Variants in PRAG1 observed in about 807,000 individuals in gnomAD.
PRAG1 encodes PEAK1 related, kinase-activating pseudokinase 1, also known as inactive tyrosine-protein kinase PRAG1.
Under a neutral mutation model 95.6 loss-of-function variants are expected in PRAG1, and 110 were observed. The observed-to-expected ratio is 1.15, with a 90% CI of 0.99 to 1.35. PRAG1 has a LOEUF of 1.35. PRAG1 is among the 40% of genes most tolerant of loss of function. The pLI is 0.00. For synonymous variants in PRAG1, 1,052 were observed against 819.4 expected (o/e 1.28, Z -4.85); for missense variants, 2,554 against 1,864.7 (o/e 1.37, Z -6.81).
intron 2 of PRAG1, among the ~76,000 whole-genome samples, chr8:8,381,041 A>G (rs766758631): frequency 3.9e-5 from 6 of 152,094 alleles, no homozygotes; most frequent in Non-Finnish European, 8.8e-5. Context: ...ATGGTTGCTG[A>G]AGTTCATATT....
intron 3 of PRAG1, among the ~76,000 whole-genome samples, chr8:8,366,153 G>A (rs1799997491): frequency 6.6e-6 from 1 of 152,044 alleles, no homozygotes; most frequent in Non-Finnish European, 1.5e-5. Context: ...TCCACAAATG[G>A]TTAAAATTCA....
At chr8:8,325,317 T>C (rs1176791745) in intron 5 of PRAG1, among the ~76,000 whole-genome samples, 1 of 152,188 alleles carries the variant, frequency 6.6e-6, no homozygotes, top group Non-Finnish European at 1.5e-5. Context: ...CCTCTGCATA[T>C]TGGATGCTAG....
intron 4 of PRAG1, among the ~76,000 whole-genome samples, chr8:8,337,865 C>A (rs887592629): frequency 7.2e-5 from 11 of 152,138 alleles, no homozygotes; most frequent in Admixed American, 5.2e-4. Flanking sequence ...GAGCCGTGTA[C>A]AATTCAGCCC....
rs752453783 is a variant in PRAG1 at position 8,327,962 on chromosome 8, A to C, written c.2820T>G (p.Gly940=). Residue 940 remains glycine (G), a synonymous_variant, in exon 5 of 6, where the codon GGT becomes GGG. Coordinates refer to ENST00000615670, the MANE Select transcript of PRAG1 (RefSeq NM_001080826.3). ...STGSTQLQLH[G]LLSNISSKEG... is the part of the protein sequence containing the mutation. ...CCTTGCTGCTGATGTTGCTCAGGAGACCGTGCAGCTGAAGCTGGGTGCTCC... is the reference window on the plus strand; with the variant it reads ...CCTTGCTGCTGATGTTGCTCAGGAGCCCGTGCAGCTGAAGCTGGGTGCTCC... The C allele has an allele frequency of 4.4e-6, 7 of 1,608,358 alleles. No homozygotes were observed. In the South Asian group the frequency reaches 7.7e-5, roughly 18 times the overall value.
chr8:8,346,971 G>C (rs753888017), intron 3 of PRAG1, among the ~76,000 whole-genome samples: 1 of 152,174 alleles, frequency 6.6e-6, no homozygotes, highest in Non-Finnish European at 1.5e-5. Context: ...AAATACACTA[G>C]TAAGTTTAGT....
At chr8:8,379,245 C>G (rs1425914832) in intron 2 of PRAG1, among the ~76,000 whole-genome samples, 1 of 152,198 alleles carries the variant, frequency 6.6e-6, no homozygotes, top group Admixed American at 6.5e-5. Context: ...CAGCAGTGAC[C>G]TCAGCCTGAG....
rs762903604 is a variant in PRAG1, at chr8:8,377,968, G to GGTCT, written c.440_441insAGAC (p.Ser148AspfsTer4). ...GACAGCGAGAATTGCCATCAGGGGA[G>GGTCT]GTAGAGGGACCAGCAGGCTTCTGTA... is the stretch of plus-strand genomic sequence containing the variant. On this transcript the variant is annotated frameshift_variant, in exon 3 of 6. Transcript: ENST00000615670. LOFTEE classifies it high-confidence loss of function. 6.2e-6 allele frequency: 10 copies of GGTCT among 1,613,722 alleles called. No homozygotes were observed. Among genetic ancestry groups the GGTCT allele is most frequent in the Non-Finnish European group, 8.5e-6 (10 of 1,179,916 alleles).
At chr8:8,342,195 AT>A (rs1407544785) in intron 3 of PRAG1, among the ~76,000 whole-genome samples, 418 of 139,474 alleles carry the variant, frequency 3.0e-3, no homozygotes, top group Middle Eastern at 3.8e-3. Context: ...ATCTCATGTA[AT>A]TTTTTTTTTT....
chr8:8,339,341 G>C, intron 4 of PRAG1, 137 bp downstream of exon 4: 1 of 902,562 alleles, frequency 1.1e-6, no homozygotes. Context: ...ACAGCTCCCT[G>C]GAAGAGTCTA....
In PRAG1 at chr8:8,377,268, C is replaced by T; in HGVS notation, c.1141G>A (p.Gly381Ser). The change falls in exon 3 of 6, where the codon GGC becomes AGC. Residue 381 changes from glycine to serine, a missense_variant. Gly to Ser is a moderately conservative substitution (Grantham distance 56, BLOSUM62 0). Coordinates refer to ENST00000615670, the MANE Select transcript of PRAG1 (RefSeq NM_001080826.3). ...CTGCTAGGGGTCACCCCTGGGCAGC[C>T]AGGGTCCTGCTGCTTCTCTGGGGCA... ...EPAPEKQQDPGCPGVTPSRCL... is the reference protein window; with the variant it reads ...EPAPEKQQDPSCPGVTPSRCL... 6.2e-7 allele frequency: 1 copy of T among 1,612,906 alleles called. No individual in the cohort carries two copies. Among genetic ancestry groups the T allele is most frequent in the Non-Finnish European group, 8.5e-7 (1 of 1,179,964 alleles).
rs139257739 is a variant in PRAG1 at position 8,321,187 on chromosome 8, C to T, written c.3073-1885G>A. Among the ~76,000 whole-genome samples, 7 of 152,284 alleles carry T rather than the reference C, an allele frequency of 4.6e-5. No individual in the cohort carries two copies. The East Asian group carries it at 9.7e-4, about 21-fold the overall frequency. On this transcript the variant is annotated intron_variant, in intron 5 of 5. Coordinates refer to ENST00000615670, the MANE Select transcript of PRAG1 (RefSeq NM_001080826.3). ...GCGGTTTTGACCTCCCAGGTTTAAG[C>T]GATCCTCCCACCTCAGCCTCCCGAG...
At chr8:8,331,356 G>C (rs1461745555) in intron 4 of PRAG1, among the ~76,000 whole-genome samples, 2 of 152,120 alleles carry the variant, frequency 1.3e-5, no homozygotes, top group Non-Finnish European at 1.5e-5. Flanking sequence ...GGTGAGCAGT[G>C]GAGTGAACAC....
Position 8,323,135 on chromosome 8 carries a change from C to A in PRAG1, c.3073-3833G>T, listed in dbSNP as rs186681071. On this transcript the variant is annotated intron_variant, in intron 5 of 5. Coordinates refer to ENST00000615670, the MANE Select transcript of PRAG1 (RefSeq NM_001080826.3). ...GCTGAAACAAGATGGGAGACTGTCG[C>A]CTCATTCCCCTTCAGCTGGAAACAT... 3.3e-3 allele frequency among the ~76,000 whole-genome samples: 498 copies of A among 152,294 alleles called. 4 individuals carry two copies. Among genetic ancestry groups the A allele is most frequent in the African/African-American group, 0.011 (470 of 41,562 alleles).
intron 3 of PRAG1, among the ~76,000 whole-genome samples, chr8:8,341,485 C>T (rs185291917): frequency 6.6e-5 from 10 of 152,292 alleles, no homozygotes; most frequent in African/African-American, 1.9e-4. Flanking sequence ...TTTCAGTAGA[C>T]GCACTTTATC....
chr8:8,372,663 G>C (rs1408380128), intron 3 of PRAG1, among the ~76,000 whole-genome samples: 1 of 152,202 alleles, frequency 6.6e-6, no homozygotes, highest in East Asian at 1.9e-4. Flanking sequence ...GGGCACTCCA[G>C]CAAGAGGTTT....
At chr8:8,380,852 CAAAAAAA>C (rs71217290) in intron 2 of PRAG1, among the ~76,000 whole-genome samples, 62 of 64,410 alleles carry the variant, frequency 9.6e-4, no homozygotes, top group African/African-American at 1.6e-3. Flanking sequence ...GACTCCATCT[CAAAAAAA>C]AAAAAAAAAA....
At chr8:8,335,980 AAAAC>A (rs1245159399) in intron 4 of PRAG1, among the ~76,000 whole-genome samples, 2 of 152,248 alleles carry the variant, frequency 1.3e-5, no homozygotes, top group Non-Finnish European at 2.9e-5. Flanking sequence ...CTTGTTGAGA[AAAAC>A]AAGCTGACTG....
intron 3 of PRAG1, among the ~76,000 whole-genome samples, chr8:8,371,131 CAAAAAAA>C (rs549978543): frequency 1.2e-5 from 1 of 81,600 alleles, no homozygotes; most frequent in Non-Finnish European, 2.8e-5. Flanking sequence ...GATTCTGTCT[CAAAAAAA>C]AAAAAAAAAA....
At chr8:8,321,497 T>G (rs1289125337) in intron 5 of PRAG1, among the ~76,000 whole-genome samples, 1 of 152,190 alleles carries the variant, frequency 6.6e-6, no homozygotes, top group Non-Finnish European at 1.5e-5. Flanking sequence ...TACGCTGTGT[T>G]GTCAGTGGAG....
Sources: gnomAD v4.1 joint callset for allele counts (sites outside exome capture counted in the v4.1 genomes callset) on GRCh38, gnomAD v4.1.1 for gene constraint, MANE v1.5 for transcripts, NCBI Gene and HGNC (gene_info 2026-07-23, HGNC 2026-07-21) for gene names.